Variants in ZNF420 observed in about 807,000 individuals in gnomAD.
ZNF420 encodes the protein ATM and p53-associated KZNF protein.
A neutral mutation model predicts 44.7 loss-of-function variants in ZNF420; 31 were observed. That is an observed-to-expected ratio of 0.69 (90% CI 0.52 to 0.94). The LOEUF is 0.94. Ranked by LOEUF, ZNF420 falls within the 40% of genes least tolerant of loss-of-function variation. ZNF420 has a pLI of 0.00. For missense variants in ZNF420, 681 were observed against 827.9 expected (o/e 0.82, Z 2.18); for synonymous variants, 245 against 267.4 (o/e 0.92, Z 0.82).
intron 1 of ZNF420, among the ~76,000 whole-genome samples, chr19:37,032,796 C>T (rs1967287799): frequency 1.3e-5 from 2 of 152,040 alleles, no homozygotes; most frequent in African/African-American, 4.8e-5. Flanking sequence ...TTACCAATAC[C>T]AAGACATAAA....
At chr19:37,114,675 A>G (rs1249990998) in intron 4 of ZNF420, among the ~76,000 whole-genome samples, 1 of 152,188 alleles carries the variant, frequency 6.6e-6, no homozygotes, top group Non-Finnish European at 1.5e-5. Context: ...CATATTTACA[A>G]TGTGAACTTT....
intron 1 of ZNF420, among the ~76,000 whole-genome samples, chr19:37,022,489 A>C (rs1731530374): frequency 6.6e-6 from 1 of 152,150 alleles, no homozygotes; most frequent in South Asian, 2.1e-4. Context: ...GCTTGAGTTT[A>C]TCCAGAATGA....
At chr19:37,084,673 A>G (rs1163395195) in intron 2 of ZNF420, among the ~76,000 whole-genome samples, 1 of 151,946 alleles carries the variant, frequency 6.6e-6, no homozygotes, top group Non-Finnish European at 1.5e-5. Flanking sequence ...TGGACAGTTT[A>G]TTTGTTTGTT....
intron 1 of ZNF420, among the ~76,000 whole-genome samples, chr19:37,026,871 A>G (rs1413033003): frequency 1.3e-5 from 2 of 152,270 alleles, no homozygotes; most frequent in African/African-American, 4.8e-5. Context: ...TTAATAAAAT[A>G]TTAGTCAATA....
chr19:37,029,356 G>A (rs1568423553), intron 1 of ZNF420, among the ~76,000 whole-genome samples: 12 of 152,088 alleles, frequency 7.9e-5, no homozygotes, highest in Admixed American at 7.9e-4. Flanking sequence ...AAGCATTCCC[G>A]CATTTCAGTT....
chr19:37,116,001 A>T (rs1004851124), intron 4 of ZNF420, among the ~76,000 whole-genome samples: 3 of 152,166 alleles, frequency 2.0e-5, no homozygotes, highest in African/African-American at 7.2e-5. Context: ...TTGAGTCAAC[A>T]CAGCACATGT....
chr19:37,028,270 A>G (rs1335736317), intron 1 of ZNF420, among the ~76,000 whole-genome samples: 2 of 152,166 alleles, frequency 1.3e-5, no homozygotes, highest in Non-Finnish European at 2.9e-5. Context: ...GCTTGCTGTG[A>G]TGATAGGAAG....
chr19:37,018,151 A>T (rs1001753827), intron 1 of ZNF420, among the ~76,000 whole-genome samples: 1 of 152,218 alleles, frequency 6.6e-6, no homozygotes, highest in African/African-American at 2.4e-5. Flanking sequence ...AAAAAAAATT[A>T]AAGACATAAA....
chr19:37,126,872 A>C lies in ZNF420; in HGVS notation c.137-256A>C, dbSNP rs1521096. On this transcript the variant is annotated intron_variant, in intron 4 of 4. Transcript: ENST00000337995. ...AATCAGTGTAGTGGGGTTTGTCTGC[A>C]TGTGTATGAGACAGAGAAATTGAAA... is the stretch of plus-strand genomic sequence containing the variant. Among the ~76,000 whole-genome samples the C allele has an allele frequency of 6.2e-3, 941 of 152,250 alleles. 28 individuals are homozygous for C. The highest frequency in any genetic ancestry group is 0.05 in the East Asian group (257 of 5,182).
rs374550137 is a variant in ZNF420 at position 37,028,059 on chromosome 19, TC to T, written c.-125+19979del. Among the ~76,000 whole-genome samples, 3 of 152,314 alleles carry T rather than the reference TC, an allele frequency of 2.0e-5. No homozygotes were observed. The South Asian group carries it at 6.2e-4, about 32-fold the overall frequency. On this transcript the variant is annotated intron_variant, in intron 1 of 4. Transcript: ENST00000587029. Reference sequence around the variant, plus strand: ...ATTCCCAGCAGCAATCAATGAGAGTTCCTGTTGCGCCGTATCCTCACCAGCA... The same window carrying T: ...ATTCCCAGCAGCAATCAATGAGAGTTCTGTTGCGCCGTATCCTCACCAGCA...
chr19:37,065,651 G>C (rs1412935471), intron 1 of ZNF420, among the ~76,000 whole-genome samples: 1 of 152,268 alleles, frequency 6.6e-6, no homozygotes, highest in African/African-American at 2.4e-5. Context: ...AGAGCCTCTA[G>C]AAAATAATGC....
chr19:37,128,921 C>G lies in ZNF420; in HGVS notation c.1930C>G (p.Gln644Glu), dbSNP rs763943819. 49 of 1,613,642 alleles carry G rather than the reference C, an allele frequency of 3.0e-5. No individual in the cohort carries two copies. The highest frequency in any genetic ancestry group is 3.9e-5 in the Non-Finnish European group (46 of 1,179,900). Residue 644 changes from glutamine (Q) to glutamate (E), a missense_variant, in exon 5 of 5, where the codon CAA (glutamine) becomes GAA (glutamate). Gln to Glu is a conservative substitution (Grantham distance 29). Coordinates refer to ENST00000337995, the MANE Select transcript of ZNF420 (RefSeq NM_144689.5). The stretch of plus-strand genomic sequence containing the variant: ...AATTCATACTGGTGAGAAACCATAT[C>G]AATGTAAGGAATGTGGGAAGGCCTT... ...QRIHTGEKPYQCKECGKAFTR... is the reference protein window; with the variant it reads ...QRIHTGEKPYECKECGKAFTR...
rs746128333 is a variant in ZNF420, at chr19:37,128,886, G to T, written c.1895G>T (p.Arg632Leu). 6.2e-7 allele frequency: 1 copy of T among 1,601,490 alleles called. No homozygotes were observed. The change falls in exon 5 of 5, where the codon CGG becomes CTG. Residue 632 changes from arginine to leucine, a missense_variant. This residue lies in a region of ZNF420 where 280 missense variants were observed against 338.6 expected (regional missense o/e 0.83). Coordinates refer to ENST00000337995, the MANE Select transcript of ZNF420 (RefSeq NM_144689.5). Reference sequence around the variant, plus strand: ...TTTACTCAGAGTTCACATCTTTCTCGGCATCAGAGAATTCATACTGGTGAG... The same window carrying T: ...TTTACTCAGAGTTCACATCTTTCTCTGCATCAGAGAATTCATACTGGTGAG... ...KAFTQSSHLSRHQRIHTGEKP... is the reference protein window; with the variant it reads ...KAFTQSSHLSLHQRIHTGEKP...
At chr19:37,119,837 CA>C (rs1354291086) in intron 4 of ZNF420, among the ~76,000 whole-genome samples, 2 of 151,860 alleles carry the variant, frequency 1.3e-5, no homozygotes, top group African/African-American at 4.8e-5. Flanking sequence ...CAGAATACTA[CA>C]AACACCTCTA....
chr19:37,026,916 G>A (rs553606224), intron 1 of ZNF420, among the ~76,000 whole-genome samples: 24 of 152,234 alleles, frequency 1.6e-4, no homozygotes, highest in African/African-American at 2.4e-4. Context: ...AAAATTAGCC[G>A]TTCACAAATA....
At chr19:37,101,504 A>G (rs1367053334) in intron 4 of ZNF420, among the ~76,000 whole-genome samples, 4 of 152,188 alleles carry the variant, frequency 2.6e-5, no homozygotes, top group African/African-American at 7.2e-5. Flanking sequence ...CAATCAATCA[A>G]TCAGTCAATC....
chr19:37,065,273 C>A (rs1967949662), intron 1 of ZNF420, among the ~76,000 whole-genome samples: 1 of 152,120 alleles, frequency 6.6e-6, no homozygotes, highest in East Asian at 1.9e-4. Flanking sequence ...AGGCTTCCAC[C>A]CTTTAGCATA....
intron 1 of ZNF420, among the ~76,000 whole-genome samples, chr19:37,033,704 T>A (rs1044230181): frequency 1.3e-5 from 2 of 152,204 alleles, no homozygotes; most frequent in African/African-American, 4.8e-5. Flanking sequence ...CTTATGGGTT[T>A]AAACCCAGAA....
chr19:37,061,565 G>A (rs1039069911), intron 1 of ZNF420, among the ~76,000 whole-genome samples: 1 of 152,000 alleles, frequency 6.6e-6, no homozygotes, highest in Non-Finnish European at 1.5e-5. Context: ...ATTCATAAGT[G>A]GAAAATTGTT....
Sources: allele counts gnomAD v4.1 joint callset (sites outside exome capture counted in the v4.1 genomes callset), GRCh38; gene constraint gnomAD v4.1.1; regional missense constraint gnomAD v4.1.1; transcripts MANE v1.5; gene names NCBI Gene and HGNC (gene_info 2026-07-23, HGNC 2026-07-21).